MAGEA4: variants seen among roughly 807,000 people sequenced by gnomAD.
The protein encoded by MAGEA4 is MAGE family member A4, also known as melanoma-associated antigen 4.
MAGEA4 carries 1 observed loss-of-function variant against 13.7 expected under a neutral mutation model. That is an observed-to-expected ratio of 0.07 (90% CI 0.03 to 0.35). MAGEA4 has a LOEUF of 0.35. MAGEA4 is among the 10% of genes least tolerant of loss of function. The probability of loss-of-function intolerance (pLI) is 0.99; values close to 1 mark genes in which losing one functional copy is unlikely to be tolerated. For missense variants in MAGEA4, 312 were observed against 245.1 expected, an observed-to-expected ratio of 1.27 and a Z score of -1.82; for synonymous variants, 132 against 101.1, an observed-to-expected ratio of 1.31 and a Z score of -1.83.
chrX:151,924,066 A>G lies in MAGEA4; in HGVS notation c.402A>G (p.Ala134=). 2 of 1,212,389 alleles carry G rather than the reference A, an allele frequency of 1.6e-6. No individual in the cohort carries two copies. The highest frequency in any genetic ancestry group is 2.2e-6 in the Non-Finnish European group (2 of 895,666). ...KYRAKELVTK[A]EMLERVIKNY... is the part of the protein sequence containing the mutation. ...GAGCCAAGGAGCTGGTCACAAAGGCAGAAATGCTGGAGAGAGTCATCAAAA... is the reference window on the plus strand; with the variant it reads ...GAGCCAAGGAGCTGGTCACAAAGGCGGAAATGCTGGAGAGAGTCATCAAAA... Residue 134 remains alanine (A), a synonymous_variant, in exon 3 of 3, where the codon GCA becomes GCG. Transcript: ENST00000276344.
chrX:151,913,094 G>A (rs765142650), intron 1 of MAGEA4, 125 bp downstream of exon 1: 26 of 112,244 alleles, frequency 2.3e-4, no homozygotes, highest in African/African-American at 8.1e-4. Context: ...TGGTGGGGGG[G>A]CCACCACCCC....
chrX:151,922,735 C>T (rs1649463970), intron 1 of MAGEA4, among the ~76,000 whole-genome samples: 1 of 111,553 alleles, frequency 9.0e-6, no homozygotes, highest in African/African-American at 3.3e-5. Flanking sequence ...AGAGCATGGG[C>T]TTGGCTTTCT....
Position 151,924,510 on chromosome X carries a change from C to T in MAGEA4, c.846C>T (p.Thr282=). ...GGGGTCCAAGGGCTCTGGCTGAAAC[C>T]AGCTATGTGAAAGTCCTGGAGCATG... is the stretch of plus-strand genomic sequence containing the variant. The part of the protein sequence containing the change: ...FLWGPRALAE[T]SYVKVLEHVV... Residue 282 remains threonine (T), a synonymous_variant, in exon 3 of 3, where the codon ACC becomes ACT. Transcript: ENST00000276344. 8.3e-7 allele frequency: 1 copy of T among 1,211,959 alleles called. No homozygotes were observed.
chrX:151,918,069 C>T (rs1345379020), intron 1 of MAGEA4, among the ~76,000 whole-genome samples: 1 of 56,139 alleles, frequency 1.8e-5, no homozygotes, highest in East Asian at 5.7e-4. Flanking sequence ...CCCCAAAAAC[C>T]GGGGCCCCTC....
rs771323726 is a variant in MAGEA4, at chrX:151,923,680, A to G, written c.16A>G (p.Lys6Glu). 8.3e-6 allele frequency: 10 copies of G among 1,211,116 alleles called. No homozygotes were observed. The highest frequency in any genetic ancestry group is 1.0e-5 in the Non-Finnish European group (9 of 895,416). MSSEQ[K>E]SQHCKPEEGV... ...CAGAGTCATCATGTCTTCTGAGCAG[A>G]AGAGTCAGCACTGCAAGCCTGAGGA... The change falls in exon 3 of 3, where the codon AAG becomes GAG. Residue 6 changes from lysine to glutamate, a missense_variant. Lys to Glu is a moderately conservative substitution (Grantham distance 56). Transcript: ENST00000276344.
intron 1 of MAGEA4, among the ~76,000 whole-genome samples, chrX:151,922,273 C>T (rs187978837): frequency 2.7e-3 from 298 of 111,283 alleles, no homozygotes; most frequent in African/African-American, 9.4e-3. Context: ...GAGGGATGGC[C>T]CTATGTGCCA....
intron 1 of MAGEA4, among the ~76,000 whole-genome samples, chrX:151,922,823 T>C (rs1396980121): frequency 9.0e-6 from 1 of 111,426 alleles, no homozygotes; most frequent in Non-Finnish European, 1.9e-5. Context: ...TGCACCCAGG[T>C]CAGTAGAGGG....
chrX:151,919,809 G>A (rs1036056449), intron 1 of MAGEA4: 36 of 720,109 alleles, frequency 5.0e-5, no homozygotes, highest in Middle Eastern at 8.0e-4. Context: ...CCCAGCCCTG[G>A]GCCACTCGTG....
At chrX:151,917,881 C>T (rs1289762647) in intron 1 of MAGEA4, among the ~76,000 whole-genome samples, 1 of 99,551 alleles carries the variant, frequency 1.0e-5, no homozygotes, top group Non-Finnish European at 2.0e-5. Flanking sequence ...TGAGGCCAGG[C>T]TCTGCCGGGC....
chrX:151,912,614 C>T, upstream of MAGEA4: 1 of 286,697 alleles, frequency 3.5e-6, no homozygotes, highest in African/African-American at 3.1e-5. Flanking sequence ...ACCCCCATTC[C>T]TATCCCCCAC....
chrX:151,913,375 C>T (rs1256533116), intron 1 of MAGEA4: 1 of 135,800 alleles, frequency 7.4e-6, no homozygotes, highest in African/African-American at 3.4e-5. Context: ...TCTCCCACCC[C>T]CAAAAACCCG....
rs1233346748 is a variant in MAGEA4 at position 151,924,711 on chromosome X, A to C, written c.*93A>C. 5.4e-6 allele frequency: 5 copies of C among 932,124 alleles called. No individual in the cohort carries two copies. The highest frequency in any genetic ancestry group is 5.8e-6 in the Non-Finnish European group (4 of 688,651). 76.8% of individuals were successfully genotyped at this position (932,124 alleles called of 1,213,427 possible). On this transcript the variant is annotated 3_prime_UTR_variant, in exon 3 of 3. Coordinates refer to ENST00000276344, the MANE Select transcript of MAGEA4 (RefSeq NM_001011548.1). ...AGCAGCTTCCCTTGCCTCGTGTAAC[A>C]TGAGGCCCATTCTTCACTCTGTTTG...
At chrX:151,921,260 T>G (rs900021553) in intron 1 of MAGEA4, among the ~76,000 whole-genome samples, 10 of 112,107 alleles carry the variant, frequency 8.9e-5, no homozygotes, top group African/African-American at 3.2e-4. Flanking sequence ...GGATGTTTTT[T>G]GGGGGTCAGA....
intron 1 of MAGEA4, chrX:151,919,711 T>TGAGGAGTCAAGGTGAGACGCTGAGG (rs1933317698): frequency 1.3e-6 from 1 of 750,772 alleles, no homozygotes; most frequent in Non-Finnish European, 1.6e-6. Context: ...CCAGGCCCTG[T>TGAGGAGTCAAGGTGAGACGCTGAGG]GAGGAGTCAA....
At chrX:151,921,006 G>C (rs191815383) in intron 1 of MAGEA4, among the ~76,000 whole-genome samples, 1 of 112,067 alleles carries the variant, frequency 8.9e-6, no homozygotes, top group East Asian at 2.8e-4. Context: ...GGACTCTGGA[G>C]TCAGAGGTTG....
chrX:151,923,336 G>T, intron 1 of MAGEA4, 117 bp from the exon 2 acceptor site: 1 of 452,327 alleles, frequency 2.2e-6, no homozygotes, highest in South Asian at 2.8e-5. Context: ...GGCCCCACCT[G>T]CCACAAGACA....
At chrX:151,921,857 C>T (rs1237590155) in intron 1 of MAGEA4, among the ~76,000 whole-genome samples, 10 of 72,690 alleles carry the variant, frequency 1.4e-4, no homozygotes, top group African/African-American at 5.4e-4. Flanking sequence ...GAGCCCACCC[C>T]ACCCCGTCTG....
Position 151,923,895 on chromosome X carries a change from C to T in MAGEA4, c.231C>T (p.Ser77=), listed in dbSNP as rs374428401. ...QGASALPTTI[S]FTCWRQPNEG... ...CCTCTGCCTTACCCACTACCATCAG[C>T]TTCACTTGCTGGAGGCAACCCAATG... Residue 77 remains serine, a synonymous_variant, in exon 3 of 3, where the codon AGC becomes AGT. Coordinates refer to ENST00000276344, the MANE Select transcript of MAGEA4 (RefSeq NM_001011548.1). 82 of 1,209,939 alleles carry T rather than the reference C, an allele frequency of 6.8e-5. No homozygotes were observed. The highest frequency in any genetic ancestry group is 8.8e-5 in the Non-Finnish European group (79 of 895,230).
intron 1 of MAGEA4, among the ~76,000 whole-genome samples, chrX:151,913,270 CTTCCCA>C (rs1932981650): frequency 1.8e-5 from 2 of 109,829 alleles, no homozygotes; most frequent in Non-Finnish European, 3.8e-5. Context: ...CCCCTAACCC[CTTCCCA>C]TTCCCATTCG....
Sources: gnomAD v4.1 joint callset for allele counts (sites outside exome capture counted in the v4.1 genomes callset) on GRCh38, gnomAD v4.1.1 for gene constraint, MANE v1.5 for transcripts, NCBI Gene and HGNC (gene_info 2026-07-23, HGNC 2026-07-21) for gene names.